NUP214: variants seen among roughly 807,000 people sequenced by gnomAD.
NUP214 encodes nucleoporin 214.
In NUP214, 79 loss-of-function variants were observed where a neutral mutation model predicts 196.2. The observed-to-expected ratio is 0.40, with a 90% confidence interval of 0.34 to 0.49. The LOEUF (loss-of-function observed/expected upper bound fraction) is 0.49. NUP214 is among the 20% of genes least tolerant of loss of function. NUP214 has a pLI of 0.58. For synonymous variants in NUP214, 1,020 were observed against 990.5 expected, an observed-to-expected ratio of 1.03 and a Z score of -0.56; for missense variants, 2,468 against 2,539.0, an observed-to-expected ratio of 0.97 and a Z score of 0.60.
chr9:131,207,284 A>G (rs1168468870), intron 30 of NUP214, among the ~76,000 whole-genome samples: 2 of 152,246 alleles, frequency 1.3e-5, no homozygotes, highest in African/African-American at 4.8e-5. Context: ...TCTGTAGGTC[A>G]TAACTTCAGA....
intron 26 of NUP214, 27 bp downstream of exon 26, chr9:131,189,158 A>G (rs1380798107): frequency 1.3e-6 from 2 of 1,579,022 alleles, no homozygotes; most frequent in Non-Finnish European, 1.7e-6. Context: ...GTTTTCTTGA[A>G]AAGTGAAAGA....
intron 27 of NUP214, among the ~76,000 whole-genome samples, chr9:131,194,881 C>A (rs1003754472): frequency 6.6e-6 from 1 of 152,224 alleles, no homozygotes; most frequent in East Asian, 1.9e-4. Context: ...AGACCATCTG[C>A]TCCGGCCACC....
intron 16 of NUP214, 66 bp downstream of exon 16, chr9:131,150,831 C>G: frequency 1.4e-6 from 2 of 1,461,312 alleles, no homozygotes; most frequent in Non-Finnish European, 1.9e-6. Context: ...CCTAGTACTC[C>G]ATGGGGTTAT....
intron 32 of NUP214, among the ~76,000 whole-genome samples, chr9:131,223,849 G>C (rs555409100): frequency 4.1e-5 from 6 of 146,066 alleles, no homozygotes; most frequent in Non-Finnish European, 6.0e-5. Context: ...ATTCTCCTGC[G>C]TCAGCCTCCC....
intron 32 of NUP214, among the ~76,000 whole-genome samples, chr9:131,224,231 T>C (rs555706338): frequency 3.3e-5 from 5 of 152,362 alleles, no homozygotes; most frequent in African/African-American, 1.2e-4. Context: ...TCATGTATGA[T>C]GTATTTATAA....
At chr9:131,223,012 G>A (rs557989893) in intron 32 of NUP214, 82 bp downstream of exon 32, 3 of 1,398,248 alleles carry the variant, frequency 2.1e-6, no homozygotes, top group Non-Finnish European at 9.8e-7. Context: ...ACATCTCTAG[G>A]GTGGTTATCT....
intron 31 of NUP214, among the ~76,000 whole-genome samples, chr9:131,219,931 C>T (rs529943025): frequency 1.3e-5 from 2 of 152,242 alleles, no homozygotes; most frequent in Non-Finnish European, 2.9e-5. Flanking sequence ...TGATATGGGG[C>T]CTGGTCTGAT....
At position 131,140,727 on chromosome 9, in the gene NUP214, G is replaced by A. The variant is rs187664641; in HGVS notation, c.1294+17G>A. The A allele has an allele frequency of 3.1e-6, 5 of 1,607,418 alleles. No homozygotes were observed. The East Asian group carries it at 1.1e-4, about 36-fold the overall frequency. Reference sequence around the variant, plus strand: ...AGTCACCAGGTATGTGCCTCTGCCTGCTTTATCAGTAAGGGAATACCATGG... The same window carrying A: ...AGTCACCAGGTATGTGCCTCTGCCTACTTTATCAGTAAGGGAATACCATGG... On this transcript the variant is annotated intron_variant, in intron 11 of 35. Coordinates refer to ENST00000359428, the MANE Select transcript of NUP214 (RefSeq NM_005085.4).
At chr9:131,139,474 C>T in intron 10 of NUP214, 67 bp downstream of exon 10, 4 of 1,571,820 alleles carry the variant, frequency 2.5e-6, no homozygotes, top group Non-Finnish European at 3.4e-6. Context: ...ATTGAAACAC[C>T]AGTTACATGT....
rs369322574 is a variant in NUP214, at chr9:131,195,191, C to T, written c.3660-42C>T. ...GAATATTAAGAGGGCAATATTGTGC[C>T]TTGGTTTGTTCCTTTTTAATTTCTC... On this transcript the variant is annotated intron_variant, in intron 27 of 35. Coordinates refer to ENST00000359428, the MANE Select transcript of NUP214 (RefSeq NM_005085.4). 7.6e-5 allele frequency: 109 copies of T among 1,443,378 alleles called. No homozygotes were observed. The African/African-American group carries it at 1.5e-3, about 20-fold the overall frequency. 89.4% of individuals were successfully genotyped at this position (1,443,378 alleles called of 1,614,324 possible). A position where few individuals can be genotyped will look rare whatever the true frequency, so the allele number is the denominator to read the frequency against.
intron 17 of NUP214, among the ~76,000 whole-genome samples, chr9:131,156,424 G>A (rs971468775): frequency 2.0e-5 from 3 of 151,800 alleles, no homozygotes; most frequent in Non-Finnish European, 2.9e-5. Flanking sequence ...GAGCCACTGC[G>A]CCCGGCTGAG....
At chr9:131,157,469 T>TG (rs1179024109) in intron 17 of NUP214, among the ~76,000 whole-genome samples, 4 of 142,942 alleles carry the variant, frequency 2.8e-5, no homozygotes, top group South Asian at 2.4e-4. Flanking sequence ...GTTTTTTTTT[T>TG]TTTTTTTTTT....
chr9:131,195,108 A>G, intron 27 of NUP214, 125 bp from the exon 28 acceptor site: 2 of 679,032 alleles, frequency 2.9e-6, no homozygotes, highest in Non-Finnish European at 5.1e-6. Context: ...CTCTGTTGTC[A>G]TTTATCTTCT....
At position 131,198,472 on chromosome 9, in the gene NUP214, C is replaced by T; in HGVS notation, c.4978C>T (p.Leu1660Phe). 1 of 1,614,194 alleles carries T rather than the reference C, an allele frequency of 6.2e-7. No individual in the cohort carries two copies. The highest frequency in any genetic ancestry group is 8.5e-7 in the Non-Finnish European group (1 of 1,180,044). Residue 1660 changes from leucine to phenylalanine, a missense_variant, in exon 29 of 36, where the codon CTC becomes TTC. Coordinates refer to ENST00000359428, the MANE Select transcript of NUP214 (RefSeq NM_005085.4). ...AASSSSAFNQ[L>F]TNNTATAPSA... The stretch of plus-strand genomic sequence containing the variant: ...CAGTTCTAGCTCAGCTTTCAACCAG[C>T]TCACCAACAACACAGCCACTGCCCC...
chr9:131,198,273 G>T lies in NUP214; in HGVS notation c.4779G>T (p.Gln1593His), dbSNP rs371434830. 8.9e-5 allele frequency: 144 copies of T among 1,614,110 alleles called. No homozygotes were observed. The highest frequency in any genetic ancestry group is 1.2e-4 in the Non-Finnish European group (139 of 1,180,058). Residue 1593 changes from glutamine to histidine, a missense_variant, in exon 29 of 36, where the codon CAG becomes CAT. Around this residue, in one of 5 missense-constraint regions of NUP214, gnomAD observed 1,801 missense variants for 1,779.4 expected, o/e 1.01. Transcript: ENST00000359428. ...PPASSFSVPG[Q>H]TAVTAAAISS... is the part of the protein sequence containing the mutation. ...CTTCCTCCTTTTCTGTGCCTGGGCA[G>T]ACTGCTGTCACAGCAGCTGCTATCT...
At chr9:131,147,112 G>A (rs1832107307) in intron 13 of NUP214, among the ~76,000 whole-genome samples, 1 of 151,466 alleles carries the variant, frequency 6.6e-6, no homozygotes, top group Non-Finnish European at 1.5e-5. Flanking sequence ...TTAGCCTCCT[G>A]AGTAGCTGGG....
At chr9:131,159,149 A>G in intron 17 of NUP214, 2 of 508,328 alleles carry the variant, frequency 3.9e-6, no homozygotes, top group Non-Finnish European at 6.9e-6. Context: ...CCTGGCTTCA[A>G]GCAGTCCTCC....
At chr9:131,159,574 C>T in intron 18 of NUP214, 88 bp downstream of exon 18, 1 of 1,172,168 alleles carries the variant, frequency 8.5e-7, no homozygotes, top group Non-Finnish European at 1.2e-6. Flanking sequence ...ATGAAAATCC[C>T]AGGCCGGGTG....
In NUP214 at chr9:131,129,585, T is replaced by C. The variant is rs186762714; in HGVS notation, c.592+108T>C. The C allele has an allele frequency of 4.8e-4, 528 of 1,099,022 alleles. 3 individuals carry two copies. The African/African-American group carries it at 7.2e-3, about 15-fold the overall frequency. The allele number at this position is 1,099,022 out of a possible 1,614,324, so 68.1% of individuals were successfully genotyped here. A position where few individuals can be genotyped will look rare whatever the true frequency, so the allele number is the denominator to read the frequency against. ...GCTTTTTGTGTTTTGGTTTTTTTTTTCATGACGAGGGAGGTTAAGGATGGA... is the reference window on the plus strand; with the variant it reads ...GCTTTTTGTGTTTTGGTTTTTTTTTCCATGACGAGGGAGGTTAAGGATGGA... On this transcript the variant is annotated intron_variant, in intron 4 of 35. Transcript: ENST00000359428.
Sources: allele counts gnomAD v4.1 joint callset (sites outside exome capture counted in the v4.1 genomes callset), GRCh38; gene constraint gnomAD v4.1.1; regional missense constraint gnomAD v4.1.1; transcripts MANE v1.5; gene names NCBI Gene and HGNC (gene_info 2026-07-23, HGNC 2026-07-21).